Variants in CLIP4 observed in about 807,000 individuals in gnomAD.
CLIP4 encodes the protein CAP-Gly domain containing linker protein family member 4, also known as CAP-Gly domain-containing linker protein 4.
CLIP4 carries 47 observed loss-of-function variants against 73.1 expected under a neutral mutation model. That is an observed-to-expected ratio of 0.64 (90% CI 0.51 to 0.82). CLIP4 has a LOEUF of 0.82. Ranked by LOEUF, CLIP4 falls within the 40% of genes least tolerant of loss-of-function variation. The probability of loss-of-function intolerance (pLI) is 0.00; values close to 1 mark genes in which losing one functional copy is unlikely to be tolerated. For synonymous variants in CLIP4, 306 were observed against 295.4 expected, an observed-to-expected ratio of 1.04 and a Z score of -0.37; for missense variants, 874 against 852.9, an observed-to-expected ratio of 1.02 and a Z score of -0.31.
chr2:29,106,031 A>G (rs74471065), intron 1 of CLIP4, among the ~76,000 whole-genome samples: 470 of 152,130 alleles, frequency 3.1e-3, no homozygotes, highest in African/African-American at 0.011. Flanking sequence ...TTTCTCTTGC[A>G]AGGTATCATG....
Position 29,182,967 on chromosome 2 carries a change from A to G in CLIP4, c.*1074A>G, listed in dbSNP as rs1668714375. 1 of 152,568 alleles carries G rather than the reference A, an allele frequency of 6.6e-6. No individual in the cohort carries two copies. The highest frequency in any genetic ancestry group is 1.5e-5 in the Non-Finnish European group (1 of 68,050). The allele number at this position is 152,568 out of a possible 1,614,324, so 9.5% of individuals were successfully genotyped here. ...CTGGATTTTTTTTGTTTTGTTACTC[A>G]TAGAACTGGTGTTGTTTGCTGTTTT... is the stretch of plus-strand genomic sequence containing the variant. On this transcript the variant is annotated 3_prime_UTR_variant, in exon 16 of 16. Transcript: ENST00000320081.
intron 13 of CLIP4, 47 bp downstream of exon 13, chr2:29,164,001 T>C (rs1282919056): frequency 6.6e-7 from 1 of 1,520,572 alleles, no homozygotes; most frequent in East Asian, 2.3e-5. Flanking sequence ...TTTTGTAATC[T>C]GCAGTGGTTA....
intron 2 of CLIP4, 46 bp from the exon 3 acceptor site, chr2:29,131,212 A>G (rs1664946699): frequency 7.1e-7 from 1 of 1,405,220 alleles, no homozygotes; most frequent in East Asian, 2.5e-5. Flanking sequence ...CAATATATTT[A>G]TTTGAAACTT....
At position 29,115,845 on chromosome 2, in the gene CLIP4, C is replaced by CGCGGGGAGGCCTTCTCGGG. The variant is rs1663769478; in HGVS notation, c.-16+185_-16+203dup. On this transcript the variant is annotated intron_variant, in intron 1 of 15. Transcript: ENST00000320081. The surrounding 1 kb of genome is among the most constrained non-coding windows in gnomAD (Gnocchi z 5.1). ...TCCCGTGGGCACCGGTGTCGCTGGC[C>CGCGGGGAGGCCTTCTCGGG]GCGGGGAGGCCTTCTCGGGGCGGAG... Among the ~76,000 whole-genome samples the CGCGGGGAGGCCTTCTCGGG allele has an allele frequency of 6.6e-6, 1 of 151,788 alleles. No individual in the cohort carries two copies.
chr2:29,101,286 T>TTC (rs1668037763), intron 1 of CLIP4, among the ~76,000 whole-genome samples: 5 of 99,088 alleles, frequency 5.0e-5, no homozygotes, highest in African/African-American at 2.1e-4. Flanking sequence ...TTTTTTTTTT[T>TTC]CCCCCCCCCA....
At chr2:29,162,393 A>C (rs1173883184) in intron 12 of CLIP4, among the ~76,000 whole-genome samples, 2 of 152,200 alleles carry the variant, frequency 1.3e-5, no homozygotes, top group African/African-American at 4.8e-5. Context: ...GAGGGAGGTC[A>C]TATTTGGTCT....
intron 2 of CLIP4, among the ~76,000 whole-genome samples, chr2:29,127,843 C>T (rs536363550): frequency 6.6e-6 from 1 of 152,090 alleles, no homozygotes; most frequent in South Asian, 2.1e-4. Flanking sequence ...TTAAAATGTC[C>T]ATAGTTACAG....
At chr2:29,108,433 G>A (rs1383170944) in intron 1 of CLIP4, among the ~76,000 whole-genome samples, 2 of 152,158 alleles carry the variant, frequency 1.3e-5, no homozygotes, top group African/African-American at 2.4e-5. Flanking sequence ...CAGGCGGGAC[G>A]GGGCAGGATG....
intron 15 of CLIP4, chr2:29,175,527 G>A (rs1377765091): frequency 6.6e-6 from 1 of 152,196 alleles, no homozygotes; most frequent in African/African-American, 2.4e-5. Flanking sequence ...TCGAGATGTT[G>A]GTGAGTGGAA....
chr2:29,117,992 T>C (rs1212446284), intron 1 of CLIP4, among the ~76,000 whole-genome samples: 5 of 152,248 alleles, frequency 3.3e-5, no homozygotes, highest in Admixed American at 3.3e-4. Flanking sequence ...TGTAAATACC[T>C]GTTTAGTAGA....
At chr2:29,162,065 AAACTT>A (rs1308437528) in intron 12 of CLIP4, among the ~76,000 whole-genome samples, 2 of 152,198 alleles carry the variant, frequency 1.3e-5, no homozygotes, top group Non-Finnish European at 2.9e-5. Context: ...ATTCAAATAA[AAACTT>A]AACCGCACAG....
At chr2:29,127,023 T>A (rs765001882) in intron 2 of CLIP4, among the ~76,000 whole-genome samples, 1 of 152,148 alleles carries the variant, frequency 6.6e-6, no homozygotes, top group Non-Finnish European at 1.5e-5. Context: ...TCTCTACAGT[T>A]CCCATTTCTA....
At chr2:29,160,540 G>C in intron 12 of CLIP4, 73 bp downstream of exon 12, 2 of 1,513,636 alleles carry the variant, frequency 1.3e-6, no homozygotes, top group Non-Finnish European at 1.8e-6. Flanking sequence ...CATGTAAATA[G>C]AATTTAATTG....
At chr2:29,101,789 T>C (rs1668057110) in intron 1 of CLIP4, among the ~76,000 whole-genome samples, 1 of 152,196 alleles carries the variant, frequency 6.6e-6, no homozygotes, top group African/African-American at 2.4e-5. Flanking sequence ...GATCTGGTTT[T>C]CCCAGGACCA....
Position 29,145,365 on chromosome 2 carries a change from A to T in CLIP4, c.1019A>T (p.Tyr340Phe). The T allele has an allele frequency of 6.2e-7, 1 of 1,604,974 alleles. No individual in the cohort carries two copies. The highest frequency in any genetic ancestry group is 8.5e-7 in the Non-Finnish European group (1 of 1,173,390). ...CAGTACTTTAAATGTGCCCCCAAGT[A>T]TGGTAAGGTTGATATTATTTAACTC... Reference protein sequence around the residue: ...KVQYFKCAPKYGIFAPLSKIS... With the variant: ...KVQYFKCAPKFGIFAPLSKIS... Residue 340 changes from tyrosine (Y) to phenylalanine (F), a missense_variant and splice_region_variant, in exon 8 of 16, where the codon TAT becomes TTT. By Grantham distance (22) the Tyr-to-Phe change is conservative. Transcript: ENST00000320081.
chr2:29,097,865 T>A (rs1667920372), exon 1 of CLIP4: 1 of 152,184 alleles, frequency 6.6e-6, no homozygotes, highest in South Asian at 2.1e-4. Context: ...CGCTGAACAA[T>A]CTGTACTCTT....
intron 6 of CLIP4, among the ~76,000 whole-genome samples, chr2:29,139,714 G>T (rs1296969534): frequency 6.6e-6 from 1 of 152,050 alleles, no homozygotes; most frequent in African/African-American, 2.4e-5. Context: ...GGAAGGTTGT[G>T]TGTTTCTAGG....
chr2:29,101,833 A>G (rs1227975496), intron 1 of CLIP4, among the ~76,000 whole-genome samples: 3 of 152,202 alleles, frequency 2.0e-5, no homozygotes, highest in Non-Finnish European at 2.9e-5. Flanking sequence ...CTCAAGCCAG[A>G]TACTCTGCAC....
At chr2:29,172,335 T>C (rs1558582849) in intron 14 of CLIP4, among the ~76,000 whole-genome samples, 2 of 152,196 alleles carry the variant, frequency 1.3e-5, no homozygotes, top group Non-Finnish European at 2.9e-5. Flanking sequence ...AAAATTTCTT[T>C]TAGAAAGGGT....
Sources: allele counts gnomAD v4.1 joint callset (sites outside exome capture counted in the v4.1 genomes callset), GRCh38; gene constraint gnomAD v4.1.1; non-coding constraint Gnocchi (gnomAD v3.1); transcripts MANE v1.5; gene names NCBI Gene and HGNC (gene_info 2026-07-23, HGNC 2026-07-21).